The following AR variants were observed in gnomAD, a reference collection of about 807,000 sequenced individuals.
The protein encoded by AR is androgen receptor.
Under a neutral mutation model 53.9 loss-of-function variants are expected in AR, and 8 were observed. The ratio of observed to expected loss-of-function variants is 0.15; its 90% confidence interval spans 0.09 to 0.27. The LOEUF (loss-of-function observed/expected upper bound fraction) is 0.27, where lower values mean the gene tolerates loss of function less well. AR is among the 10% of genes least tolerant of loss of function. The pLI, the probability that AR is intolerant of heterozygous loss-of-function variation, is 1.00. For missense variants in AR, 639 were observed against 742.5 expected, an observed-to-expected ratio of 0.86 and a Z score of 1.62; for synonymous variants, 359 against 316.4, an observed-to-expected ratio of 1.13 and a Z score of -1.43.
In AR at chrX:67,716,973, T is replaced by C. The variant is rs1014937009; in HGVS notation, c.2174-505T>C. The stretch of plus-strand genomic sequence containing the variant: ...TCTTGGACAAGTTCCTTAACCTCTC[T>C]CTGACTCACTTGTACTGGTTCACAG... On this transcript the variant is annotated intron_variant, in intron 4 of 7. Transcript: ENST00000374690. Among the ~76,000 whole-genome samples, 4 of 111,875 alleles carry C rather than the reference T, an allele frequency of 3.6e-5. No homozygotes were observed. In the East Asian group the frequency reaches 1.1e-3, roughly 31 times the overall value.
At chrX:67,643,636 G>C (rs1925905953) in intron 2 of AR, among the ~76,000 whole-genome samples, 1 of 111,850 alleles carries the variant, frequency 8.9e-6, no homozygotes, top group African/African-American at 3.2e-5. Flanking sequence ...GGTCCCAGCT[G>C]GGGCTTGGGG....
At position 67,546,538 on chromosome X, in the gene AR, C is replaced by CGGCGGA. The variant is rs1475542278; in HGVS notation, c.1397_1398insAGGCGG (p.Gly472_Gly473dup). 4.6e-6 allele frequency: 4 copies of CGGCGGA among 864,154 alleles called. No homozygotes were observed. The African/African-American group carries it at 6.8e-5, about 15-fold the overall frequency. The allele number at this position is 864,154 out of a possible 1,213,427, so 71.2% of individuals were successfully genotyped here. ...GTGGCGGCGGCGGCGGCGGCGGCGG[C>CGGCGGA]GGCGGCGGCGGCGGCGGCGGCGGCG... On this transcript the variant is annotated inframe_insertion, in exon 1 of 8. Coordinates refer to ENST00000374690, the MANE Select transcript of AR (RefSeq NM_000044.6).
intron 1 of AR, among the ~76,000 whole-genome samples, chrX:67,608,219 G>T (rs968253391): frequency 1.5e-4 from 17 of 112,006 alleles, no homozygotes; most frequent in African/African-American, 5.5e-4. Context: ...TTTGCCTTTG[G>T]TATCTGCGAG....
At position 67,544,268 on chromosome X, in the gene AR, A is replaced by G. The variant is rs1929600983; in HGVS notation, c.-879A>G. On this transcript the variant is annotated 5_prime_UTR_variant, in exon 1 of 8. Coordinates refer to ENST00000374690, the MANE Select transcript of AR (RefSeq NM_000044.6). ...CCTTTCCTCTTCGGTGAAGTTTTTAAAAGCTGCTAAAGACTCGGAGGAAGC... is the reference window on the plus strand; with the variant it reads ...CCTTTCCTCTTCGGTGAAGTTTTTAGAAGCTGCTAAAGACTCGGAGGAAGC... The G allele has an allele frequency of 5.8e-6, 1 of 171,736 alleles. No homozygotes were observed. The highest frequency in any genetic ancestry group is 1.1e-5 in the Non-Finnish European group (1 of 89,894). The allele number at this position is 171,736 out of a possible 1,213,427, so 14.2% of individuals were successfully genotyped here. A position where few individuals can be genotyped will look rare whatever the true frequency, so the allele number is the denominator to read the frequency against.
At chrX:67,649,346 C>T (rs1030793200) in intron 2 of AR, among the ~76,000 whole-genome samples, 2 of 111,975 alleles carry the variant, frequency 1.8e-5, no homozygotes, top group African/African-American at 3.2e-5. Context: ...CGTATGCATG[C>T]GTCTTTATAG....
At chrX:67,703,707 A>G (rs1216154309) in intron 3 of AR, among the ~76,000 whole-genome samples, 1 of 112,018 alleles carries the variant, frequency 8.9e-6, no homozygotes, top group Non-Finnish European at 1.9e-5. Context: ...CAGGTTTGTT[A>G]CATATGTATA....
At chrX:67,573,901 A>C (rs1569272527) in intron 1 of AR, among the ~76,000 whole-genome samples, 1 of 112,344 alleles carries the variant, frequency 8.9e-6, no homozygotes, top group East Asian at 2.8e-4. Context: ...CATAACTACT[A>C]AAAAATAGTT....
chrX:67,694,417 A>G (rs914420148), intron 3 of AR, among the ~76,000 whole-genome samples: 3 of 109,984 alleles, frequency 2.7e-5, no homozygotes, highest in Admixed American at 9.9e-5. Context: ...GTATATATAT[A>G]GTATATTTGT....
In AR at chrX:67,728,502, G is replaced by T. The variant is rs1343242408; in HGVS notation, c.*4661G>T. The T allele has an allele frequency of 2.4e-5, 3 of 125,374 alleles. No homozygotes were observed. The highest frequency in any genetic ancestry group is 1.1e-4 in the African/African-American group (3 of 27,964). The allele number at this position is 125,374 out of a possible 1,213,427, so 10.3% of individuals were successfully genotyped here. A position where few individuals can be genotyped will look rare whatever the true frequency, so the allele number is the denominator to read the frequency against. On this transcript the variant is annotated 3_prime_UTR_variant, in exon 8 of 8. Coordinates refer to ENST00000374690, the MANE Select transcript of AR (RefSeq NM_000044.6). Reference sequence around the variant, plus strand: ...CTGCCCACTTTGGATGGCACAAAAAGTTATCTGCAGTTGAAGGCAGAAAGT... The same window carrying T: ...CTGCCCACTTTGGATGGCACAAAAATTTATCTGCAGTTGAAGGCAGAAAGT...
At chrX:67,631,273 A>G (rs1323102289) in intron 1 of AR, among the ~76,000 whole-genome samples, 1 of 111,746 alleles carries the variant, frequency 8.9e-6, no homozygotes, top group East Asian at 2.8e-4. Context: ...ACTTTCAGGT[A>G]CACCAATCAG....
intron 6 of AR, 32 bp downstream of exon 6, chrX:67,721,995 T>C (rs1022594273): frequency 1.7e-6 from 2 of 1,207,169 alleles, no homozygotes; most frequent in East Asian, 3.0e-5. Flanking sequence ...GAATGCCCCC[T>C]GAGGGCACAG....
At position 67,655,636 on chromosome X, in the gene AR, G is replaced by T. The variant is rs187887577; in HGVS notation, c.1768+12229G>T. Among the ~76,000 whole-genome samples the T allele has an allele frequency of 3.6e-5, 4 of 111,101 alleles. No individual in the cohort carries two copies. The Admixed American group carries it at 3.8e-4, about 11-fold the overall frequency. On this transcript the variant is annotated intron_variant, in intron 2 of 7. Coordinates refer to ENST00000374690, the MANE Select transcript of AR (RefSeq NM_000044.6). The stretch of plus-strand genomic sequence containing the variant: ...CTATTGATATAAAGGTAAAAAACTT[G>T]ATCTTAGGTCTAATATCCGTTAGTA...
intron 4 of AR, among the ~76,000 whole-genome samples, chrX:67,716,006 A>G (rs747076143): frequency 3.9e-4 from 44 of 112,031 alleles, no homozygotes; most frequent in African/African-American, 1.2e-3. Context: ...TTGTAGACGT[A>G]GCTTCTGGGA....
intron 1 of AR, among the ~76,000 whole-genome samples, chrX:67,627,630 G>C (rs1924759167): frequency 1.8e-5 from 2 of 111,747 alleles, no homozygotes. Flanking sequence ...AAGCTCTTTA[G>C]TTGAATTAGA....
chrX:67,596,812 A>G (rs1371899490), intron 1 of AR, among the ~76,000 whole-genome samples: 1 of 112,307 alleles, frequency 8.9e-6, no homozygotes, highest in Admixed American at 9.4e-5. Context: ...TCAGGCAGTT[A>G]AGCAATAAAG....
chrX:67,681,935 A>G (rs1296362437), intron 2 of AR, among the ~76,000 whole-genome samples: 1 of 112,545 alleles, frequency 8.9e-6, no homozygotes, highest in African/African-American at 3.2e-5. Context: ...GGTTCAACAT[A>G]TGCAAATCAA....
intron 1 of AR, among the ~76,000 whole-genome samples, chrX:67,561,777 G>A (rs956246565): frequency 1.8e-5 from 2 of 110,943 alleles, no homozygotes; most frequent in East Asian, 5.7e-4. Context: ...AAAGCATGGA[G>A]GAGCTGTGAG....
chrX:67,664,993 G>A (rs928188949), intron 2 of AR, among the ~76,000 whole-genome samples: 3 of 112,737 alleles, frequency 2.7e-5, no homozygotes, highest in South Asian at 3.7e-4. Context: ...GGAGTGACCC[G>A]ATTTTCCAGG....
chrX:67,601,334 C>T (rs181424855), intron 1 of AR, among the ~76,000 whole-genome samples: 1 of 111,728 alleles, frequency 9.0e-6, no homozygotes, highest in Non-Finnish European at 1.9e-5. Flanking sequence ...CATTTTGGCC[C>T]ATTTACTCCT....
Sources: allele counts gnomAD v4.1 joint callset (sites outside exome capture counted in the v4.1 genomes callset), GRCh38; gene constraint gnomAD v4.1.1; transcripts MANE v1.5; gene names NCBI Gene and HGNC (gene_info 2026-07-23, HGNC 2026-07-21).